Variants in MCF2L observed in about 807,000 individuals in gnomAD.
MCF2L encodes guanine nucleotide exchange factor DBS.
In MCF2L, 97 loss-of-function variants were observed where a neutral mutation model predicts 153.4. The ratio of observed to expected loss-of-function variants is 0.63; its 90% CI spans 0.54 to 0.75. The LOEUF (loss-of-function observed/expected upper bound fraction) is 0.75, where lower values mean the gene tolerates loss of function less well. Ranked by LOEUF, MCF2L falls within the 30% of genes least tolerant of loss-of-function variation. The pLI is 0.00. For synonymous variants in MCF2L, 659 were observed against 632.2 expected (o/e 1.04, Z -0.64); for missense variants, 1,347 against 1,495.2 (o/e 0.90, Z 1.64).
In MCF2L at chr13:112,903,415, C is replaced by A. The variant is rs536856550; in HGVS notation, c.169+1044C>A. ...CCTGAGGGCTGGTGCCCAGGAATTC[C>A]CTCCTGTTTCGTGTCTTCAGGTGAG... On this transcript the variant is annotated intron_variant, in intron 2 of 29. Transcript: ENST00000375608. 3.7e-4 allele frequency among the ~76,000 whole-genome samples: 56 copies of A among 152,312 alleles called. 2 individuals are homozygous for A. In the South Asian group the frequency reaches 9.1e-3, roughly 25 times the overall value.
At chr13:112,938,530 C>G (rs1050812870) in intron 2 of MCF2L, among the ~76,000 whole-genome samples, 2 of 152,162 alleles carry the variant, frequency 1.3e-5, no homozygotes, top group Non-Finnish European at 2.9e-5. Context: ...GAAGGAATTG[C>G]AGGAATATGA....
chr13:112,990,882 T>C (rs1005199154), intron 1 of MCF2L, among the ~76,000 whole-genome samples: 3 of 152,204 alleles, frequency 2.0e-5, no homozygotes, highest in African/African-American at 7.2e-5. Context: ...GCTTATCAGC[T>C]TTGAGGAGAG....
At chr13:113,090,316 A>G (rs1396614584) in intron 26 of MCF2L, 2 of 1,218,606 alleles carry the variant, frequency 1.6e-6, no homozygotes, top group Non-Finnish European at 2.1e-6. Context: ...TCTCGCGCAC[A>G]GACACCAGAG....
rs970362350 is a variant in MCF2L at position 113,035,145 on chromosome 13, G to T, written c.279-10126G>T. ...TGATATTCACTTCCAACCACACGAG[G>T]GTGCAGCTGGGCAACCGCAGCTTTT... On this transcript the variant is annotated intron_variant, in intron 3 of 29. Coordinates refer to ENST00000535094, the MANE Select transcript of MCF2L (RefSeq NM_001112732.3). The surrounding 1 kb of genome is among the most constrained non-coding windows in gnomAD (Gnocchi z 4.4). 6.6e-6 allele frequency among the ~76,000 whole-genome samples: 1 copy of T among 152,230 alleles called. No individual in the cohort carries two copies. Among genetic ancestry groups the T allele is most frequent in the Admixed American group, 6.5e-5 (1 of 15,284 alleles).
At chr13:113,095,664 G>T (rs79184259) in intron 27 of MCF2L, 45 of 991,844 alleles carry the variant, frequency 4.5e-5, no homozygotes, top group Admixed American at 5.8e-5. Flanking sequence ...AGGCCATCAC[G>T]TGAGGGCAGG....
At chr13:113,033,513 C>T (rs1416608698) in intron 3 of MCF2L, among the ~76,000 whole-genome samples, 1 of 152,162 alleles carries the variant, frequency 6.6e-6, no homozygotes, top group Non-Finnish European at 1.5e-5. Context: ...GCGGGCATTT[C>T]GTGGTCCCCA....
chr13:112,904,591 C>T lies in MCF2L; in HGVS notation c.169+2220C>T, dbSNP rs1257154114. On this transcript the variant is annotated intron_variant, in intron 2 of 29. Transcript: ENST00000375608. This position sits in a 1 kb window ranked among gnomAD's most constrained non-coding sequence, Gnocchi z 4.2. The stretch of plus-strand genomic sequence containing the variant: ...ATCCCTGAGTCCTGGAGGCCCAGGG[C>T]TGGCTTTACCAAGAAAGCCCTTTAG... 6.6e-6 allele frequency among the ~76,000 whole-genome samples: 1 copy of T among 152,272 alleles called. No individual in the cohort carries two copies. Among genetic ancestry groups the T allele is most frequent in the East Asian group, 1.9e-4 (1 of 5,198 alleles).
At chr13:112,937,958 G>C (rs77847197) in intron 2 of MCF2L, among the ~76,000 whole-genome samples, 480 of 7,878 alleles carry the variant, frequency 0.061, no homozygotes, top group South Asian at 0.097. Flanking sequence ...GTTTATTCAG[G>C]TGATCTCTGA....
In MCF2L at chr13:113,035,297, A is replaced by G. The variant is rs2086085651; in HGVS notation, c.279-9974A>G. On this transcript the variant is annotated intron_variant, in intron 3 of 29. Transcript: ENST00000535094. This position sits in a 1 kb window ranked among gnomAD's most constrained non-coding sequence, Gnocchi z 4.4. Reference sequence around the variant, plus strand: ...TTATGAATCGTGCATATTTTACTCTAAGGCCTGTCTGTAAACCCTAATAAA... The same window carrying G: ...TTATGAATCGTGCATATTTTACTCTGAGGCCTGTCTGTAAACCCTAATAAA... 6.6e-6 allele frequency among the ~76,000 whole-genome samples: 1 copy of G among 152,120 alleles called. No individual in the cohort carries two copies. The highest frequency in any genetic ancestry group is 2.1e-4 in the South Asian group (1 of 4,812).
At chr13:113,095,347 G>A in intron 27 of MCF2L, 1 of 1,157,402 alleles carries the variant, frequency 8.6e-7, no homozygotes, top group Non-Finnish European at 1.1e-6. Flanking sequence ...AGCCCTCGGG[G>A]CCTCTGGCCT....
intron 4 of MCF2L, among the ~76,000 whole-genome samples, chr13:113,050,223 TGTGA>T (rs1370091595): frequency 1.7e-4 from 26 of 150,552 alleles, no homozygotes; most frequent in East Asian, 5.9e-4. Context: ...TGTGAGACTG[TGTGA>T]GTGTGTGAGT....
In MCF2L at chr13:112,951,467, G is replaced by A. The variant is rs543408807; in HGVS notation, c.169+49096G>A. ...GAAAGAACCCCAATGTCTTTTGGTG[G>A]GTGAAACGTTAAATTGTACGTCCGC... is the stretch of plus-strand genomic sequence containing the variant. On this transcript the variant is annotated intron_variant, in intron 2 of 29. Transcript: ENST00000375608. The surrounding 1 kb of genome is among the most constrained non-coding windows in gnomAD (Gnocchi z 4.8). Among the ~76,000 whole-genome samples, 1 of 152,214 alleles carries A rather than the reference G, an allele frequency of 6.6e-6. No individual in the cohort carries two copies. The highest frequency in any genetic ancestry group is 1.5e-5 in the Non-Finnish European group (1 of 68,004).
At chr13:112,937,991 A>ATGTGCTGGTTCAGGTGAGTTTTG (rs2081535795) in intron 2 of MCF2L, among the ~76,000 whole-genome samples, 1 of 10,796 alleles carries the variant, frequency 9.3e-5, no homozygotes, top group African/African-American at 3.5e-4. Flanking sequence ...GGTGAGCGCT[A>ATGTGCTGGTTCAGGTGAGTTTTG]ATTGGTTGGT....
intron 1 of MCF2L, among the ~76,000 whole-genome samples, chr13:112,897,348 T>G (rs1423150242): frequency 6.6e-6 from 1 of 151,836 alleles, no homozygotes; most frequent in Non-Finnish European, 1.5e-5. Context: ...CCGGACTCAG[T>G]TGAGCATCAG....
intron 1 of MCF2L, among the ~76,000 whole-genome samples, chr13:112,987,918 A>G (rs2082716793): frequency 6.6e-6 from 1 of 152,270 alleles, no homozygotes; most frequent in South Asian, 2.1e-4. Flanking sequence ...TCATCCAAGC[A>G]ACACACACCC....
Position 113,096,757 on chromosome 13 carries a change from G to A in MCF2L, c.3293-17G>A, listed in dbSNP as rs921821702. On this transcript the variant is annotated splice_polypyrimidine_tract_variant and intron_variant, in intron 29 of 29. Transcript: ENST00000535094. ...AGAGCCGACGCCGAAGCCCGTCCCC[G>A]CCTGATCTCCCCGCAGAGTCGAGCC... 1.3e-6 allele frequency: 2 copies of A among 1,564,354 alleles called. No individual in the cohort carries two copies. Among genetic ancestry groups the A allele is most frequent in the Non-Finnish European group, 1.7e-6 (2 of 1,163,462 alleles).
chr13:113,021,236 GTGTAAC>G (rs1327292067), intron 2 of MCF2L, among the ~76,000 whole-genome samples: 3 of 152,096 alleles, frequency 2.0e-5, no homozygotes, highest in Non-Finnish European at 4.4e-5. Flanking sequence ...GTAGCTGTGT[GTGTAAC>G]TGTATGTGTG....
intron 2 of MCF2L, among the ~76,000 whole-genome samples, chr13:113,021,405 C>T (rs1242147591): frequency 6.6e-6 from 1 of 152,152 alleles, no homozygotes; most frequent in South Asian, 2.1e-4. Context: ...CTGCCCCTAG[C>T]GAGTGGATGT....
intron 3 of MCF2L, among the ~76,000 whole-genome samples, chr13:113,041,584 G>GC (rs1555372859): frequency 6.6e-6 from 1 of 151,890 alleles, no homozygotes; most frequent in African/African-American, 2.4e-5. Flanking sequence ...ATGTGGCCCT[G>GC]CCCCCATGAC....
Sources: allele counts gnomAD v4.1 joint callset (sites outside exome capture counted in the v4.1 genomes callset), GRCh38; gene constraint gnomAD v4.1.1; non-coding constraint Gnocchi (gnomAD v3.1); transcripts MANE v1.5; gene names NCBI Gene and HGNC (gene_info 2026-07-23, HGNC 2026-07-21).